TMEM217B: variants seen among roughly 807,000 people sequenced by gnomAD.
The protein encoded by TMEM217B is putative transmembrane protein 217B.
chr6:37,228,517 A>G, the TMEM217B span, among the ~76,000 whole-genome samples: 1 of 152,230 alleles, frequency 6.6e-6, no homozygotes, highest in South Asian at 2.1e-4. Context: ...CAGCCTGACC[A>G]ATATGGTGAA....
the TMEM217B span, among the ~76,000 whole-genome samples, chr6:37,220,922 A>G: frequency 1.3e-5 from 2 of 152,062 alleles, no homozygotes; most frequent in Non-Finnish European, 2.9e-5. Context: ...AGTATAATTC[A>G]TGCATATATA....
At chr6:37,227,439 G>GT in the TMEM217B span, among the ~76,000 whole-genome samples, 4 of 151,894 alleles carry the variant, frequency 2.6e-5, no homozygotes, top group South Asian at 2.1e-4. Context: ...CTAAGCGAAG[G>GT]TTTTTTTTGT....
the TMEM217B span, chr6:37,218,483 G>A: frequency 6.2e-7 from 1 of 1,613,964 alleles, no homozygotes; most frequent in African/African-American, 1.3e-5. Context: ...ACTCGAAATT[G>A]ATAATCTTTT....
At chr6:37,258,095 T>A in the TMEM217B span, 1 of 1,135,088 alleles carries the variant, frequency 8.8e-7, no homozygotes, top group Non-Finnish European at 1.2e-6. Context: ...AAGCTGGGAC[T>A]GCCTGGTGGC....
At chr6:37,229,334 A>AGTTTTT in the TMEM217B span, among the ~76,000 whole-genome samples, 6 of 30,304 alleles carry the variant, frequency 2.0e-4, 1 homozygote, top group African/African-American at 6.3e-4. Context: ...AGCAACTTTC[A>AGTTTTT]GTTTTTTTTT....
At chr6:37,221,831 C>T in the TMEM217B span, among the ~76,000 whole-genome samples, 1 of 152,200 alleles carries the variant, frequency 6.6e-6, no homozygotes, top group Non-Finnish European at 1.5e-5. Context: ...AGGAGACTCG[C>T]AGTGGGTAGC....
the TMEM217B span, among the ~76,000 whole-genome samples, chr6:37,247,051 A>G: frequency 2.0e-5 from 3 of 152,326 alleles, no homozygotes; most frequent in South Asian, 2.1e-4. Flanking sequence ...TCCTTCTACA[A>G]TGCAGATCTG....
At chr6:37,217,569 A>G in the TMEM217B span, 23 of 902,670 alleles carry the variant, frequency 2.5e-5, no homozygotes, top group Non-Finnish European at 3.0e-5. Context: ...TATATCTTTG[A>G]TTAAGGAAGT....
At chr6:37,247,626 T>C in the TMEM217B span, among the ~76,000 whole-genome samples, 1 of 152,098 alleles carries the variant, frequency 6.6e-6, no homozygotes, top group Non-Finnish European at 1.5e-5. Flanking sequence ...GACCTCGTGA[T>C]TCACCCACTT....
the TMEM217B span, among the ~76,000 whole-genome samples, chr6:37,219,392 T>A: frequency 1.3e-5 from 2 of 152,220 alleles, no homozygotes; most frequent in African/African-American, 2.4e-5. Context: ...AACTTCCTAG[T>A]AATTTTCGTA....
chr6:37,229,344 T>G, the TMEM217B span, among the ~76,000 whole-genome samples: 12 of 127,730 alleles, frequency 9.4e-5, no homozygotes, highest in Non-Finnish European at 1.3e-4. Context: ...AGTTTTTTTT[T>G]TTTTTTTTTT....
At chr6:37,246,902 CAAA>C in the TMEM217B span, among the ~76,000 whole-genome samples, 3 of 142,006 alleles carry the variant, frequency 2.1e-5, no homozygotes, top group Non-Finnish European at 3.1e-5. Flanking sequence ...GACTCTGTCT[CAAA>C]AAAAAAAAAA....
chr6:37,258,015 C>T, the TMEM217B span: 44 of 1,604,996 alleles, frequency 2.7e-5, no homozygotes, highest in East Asian at 9.5e-4. Context: ...TTGGACCAAA[C>T]CCTTCCAGAT....
the TMEM217B span, among the ~76,000 whole-genome samples, chr6:37,252,637 A>AT: frequency 5.9e-3 from 420 of 71,360 alleles, 3 homozygotes; most frequent in Non-Finnish European, 7.0e-3. Flanking sequence ...ATATATATAT[A>AT]TTTTTTTTTT....
At chr6:37,257,196 A>G in the TMEM217B span, among the ~76,000 whole-genome samples, 1 of 152,350 alleles carries the variant, frequency 6.6e-6, no homozygotes, top group African/African-American at 2.4e-5. Flanking sequence ...GATCATTTGA[A>G]TTTTTAACCC....
chr6:37,232,364 T>C, the TMEM217B span, among the ~76,000 whole-genome samples: 11 of 152,292 alleles, frequency 7.2e-5, no homozygotes, highest in African/African-American at 2.2e-4. Flanking sequence ...CCCTATGCAA[T>C]AGTTTTTTCT....
the TMEM217B span, among the ~76,000 whole-genome samples, chr6:37,250,483 T>A: frequency 6.6e-6 from 1 of 152,262 alleles, no homozygotes; most frequent in African/African-American, 2.4e-5. Flanking sequence ...CTCACACTCA[T>A]TGCTGTGAGG....
chr6:37,226,427 G>A, the TMEM217B span, among the ~76,000 whole-genome samples: 4 of 150,780 alleles, frequency 2.7e-5, no homozygotes, highest in African/African-American at 9.7e-5. Flanking sequence ...CAAGTAGCTG[G>A]GACTATAGGC....
the TMEM217B span, among the ~76,000 whole-genome samples, chr6:37,236,444 T>G: frequency 6.6e-6 from 1 of 152,162 alleles, no homozygotes. Flanking sequence ...GGTTCAATCC[T>G]GGGGTGGGAG....
Sources: gnomAD v4.1 joint callset for allele counts (sites outside exome capture counted in the v4.1 genomes callset) on GRCh38, gnomAD v4.1.1 for gene constraint, MANE v1.5 for transcripts, NCBI Gene and HGNC (gene_info 2026-07-23, HGNC 2026-07-21) for gene names.